GNPDA2: variants seen among roughly 807,000 people sequenced by gnomAD.
GNPDA2 encodes glcN6P deaminase 2.
A neutral mutation model predicts 27.0 loss-of-function variants in GNPDA2; 24 were observed. That is an observed-to-expected ratio of 0.89 (90% CI 0.64 to 1.25). The LOEUF (loss-of-function observed/expected upper bound fraction) is 1.25, where lower values mean the gene tolerates loss of function less well. Among genes scored for constraint, GNPDA2 ranks in the 50% most tolerant of loss-of-function variants. GNPDA2 has a pLI of 0.00. For synonymous variants in GNPDA2, 94 were observed against 108.4 expected (o/e 0.87, Z 0.83); for missense variants, 286 against 335.1 (o/e 0.85, Z 1.14).
chr4:44,723,193 C>A (rs772234809), intron 1 of GNPDA2, among the ~76,000 whole-genome samples: 3 of 152,066 alleles, frequency 2.0e-5, no homozygotes, highest in Non-Finnish European at 4.4e-5. Flanking sequence ...ATGTGGAAAT[C>A]AGCATTCTTA....
intron 6 of GNPDA2, 123 bp from the exon 7 acceptor site, chr4:44,703,265 T>G: frequency 7.0e-7 from 1 of 1,419,450 alleles, no homozygotes; most frequent in South Asian, 1.6e-5. Flanking sequence ...CTTGATATAG[T>G]CAAGTTTATT....
In GNPDA2 at chr4:44,701,938, G is replaced by T. The variant is rs375305504; in HGVS notation, c.*1143C>A. 10 of 984,538 alleles carry T rather than the reference G, an allele frequency of 1.0e-5. No individual in the cohort carries two copies. In the South Asian group the frequency reaches 1.4e-4, roughly 14 times the overall value. The allele number at this position is 984,538 out of a possible 1,614,324, so 61.0% of individuals were successfully genotyped here. On this transcript the variant is annotated 3_prime_UTR_variant, in exon 7 of 7. Transcript: ENST00000295448. ...TACATTTTAATCACATAGACAAGCA[G>T]ATAAGTAAGGCTTCTTCTACCAGGT... is the stretch of plus-strand genomic sequence containing the variant.
At position 44,702,362 on chromosome 4, in the gene GNPDA2, TAGGTATA is replaced by T. The variant is rs1376868904; in HGVS notation, c.*712_*718del. ...AAAAGAATTTCCTGAAGTGGCTTGC[TAGGTATA>T]AAGCTCATAATTGTCAAGATACTTA... On this transcript the variant is annotated 3_prime_UTR_variant, in exon 7 of 7. Transcript: ENST00000295448. The T allele has an allele frequency of 2.2e-6, 2 of 914,456 alleles. No homozygotes were observed. The highest frequency in any genetic ancestry group is 2.4e-4 in the East Asian group (2 of 8,450). 56.6% of individuals were successfully genotyped at this position (914,456 alleles called of 1,614,324 possible).
intron 6 of GNPDA2, 92 bp from the exon 7 acceptor site, chr4:44,703,234 G>GTAA: frequency 6.7e-7 from 1 of 1,496,080 alleles, no homozygotes; most frequent in South Asian, 1.3e-5. Context: ...ATAAGACACA[G>GTAA]TAAGCCTGTT....
intron 6 of GNPDA2, chr4:44,703,516 C>G: frequency 1.0e-6 from 1 of 1,000,530 alleles, no homozygotes; most frequent in Non-Finnish European, 1.2e-6. Context: ...AGTTCCTCTA[C>G]TAGACTCCAG....
intron 6 of GNPDA2, chr4:44,704,820 TG>T (rs1262753380): frequency 2.2e-5 from 22 of 982,848 alleles, no homozygotes; most frequent in Non-Finnish European, 2.7e-5. Context: ...ATTCTACCTT[TG>T]TCAAACTACT....
chr4:44,702,940 A>C lies in GNPDA2; in HGVS notation c.*141T>G. 2.0e-6 allele frequency: 3 copies of C among 1,481,804 alleles called. No individual in the cohort carries two copies. The highest frequency in any genetic ancestry group is 2.7e-6 in the Non-Finnish European group (3 of 1,126,026). 91.8% of individuals were successfully genotyped at this position (1,481,804 alleles called of 1,614,324 possible). ...AAGATATAAATATTCAAAATATGGA[A>C]TGTTTAACATAGAGACTCGAATGAA... On this transcript the variant is annotated 3_prime_UTR_variant, in exon 7 of 7. Coordinates refer to ENST00000295448, the MANE Select transcript of GNPDA2 (RefSeq NM_138335.3).
At chr4:44,703,764 A>G (rs1046311563) in intron 6 of GNPDA2, 1 of 985,130 alleles carries the variant, frequency 1.0e-6, no homozygotes, top group Non-Finnish European at 1.2e-6. Flanking sequence ...ATTGGTACAT[A>G]TACTTGCAGA....
At chr4:44,719,589 C>G (rs144614273) in intron 2 of GNPDA2, among the ~76,000 whole-genome samples, 123 of 151,984 alleles carry the variant, frequency 8.1e-4, no homozygotes, top group African/African-American at 2.7e-3. Flanking sequence ...TAACATGAAA[C>G]CTGTCTAAAA....
chr4:44,717,946 G>T (rs1717413539), intron 3 of GNPDA2, among the ~76,000 whole-genome samples: 1 of 151,788 alleles, frequency 6.6e-6, no homozygotes, highest in South Asian at 2.1e-4. Context: ...ACTTTTACAT[G>T]TACGTTAGTT....
intron 4 of GNPDA2, chr4:44,714,286 T>C (rs1437340593): frequency 2.0e-6 from 2 of 984,922 alleles, no homozygotes; most frequent in African/African-American, 3.5e-5. Context: ...CTAGATTTTA[T>C]TTTTAAAAAT....
intron 2 of GNPDA2, among the ~76,000 whole-genome samples, chr4:44,720,395 G>A (rs894995885): frequency 6.6e-6 from 1 of 151,692 alleles, no homozygotes; most frequent in African/African-American, 2.4e-5. Context: ...AGGAATATGA[G>A]TGAAAGCAAA....
At chr4:44,725,015 C>T (rs374008756) in intron 1 of GNPDA2, among the ~76,000 whole-genome samples, 11 of 152,118 alleles carry the variant, frequency 7.2e-5, no homozygotes, top group African/African-American at 2.7e-4. Context: ...ATATGGCCAG[C>T]TGATTGTTAA....
intron 2 of GNPDA2, among the ~76,000 whole-genome samples, chr4:44,719,163 G>C (rs1311586607): frequency 6.6e-6 from 1 of 151,746 alleles, no homozygotes; most frequent in Non-Finnish European, 1.5e-5. Context: ...TTCTAAATTT[G>C]TTACTTTTTT....
intron 2 of GNPDA2, among the ~76,000 whole-genome samples, chr4:44,719,464 C>G (rs1050221296): frequency 1.3e-5 from 2 of 152,006 alleles, no homozygotes; most frequent in African/African-American, 4.8e-5. Context: ...AAATACCACA[C>G]AGCAGAAGAA....
intron 2 of GNPDA2, among the ~76,000 whole-genome samples, chr4:44,721,174 G>GA (rs1717642533): frequency 6.6e-6 from 1 of 152,092 alleles, no homozygotes; most frequent in African/African-American, 2.4e-5. Flanking sequence ...ACTCAAGTGG[G>GA]AAAAAATTAC....
chr4:44,702,423 A>G lies in GNPDA2; in HGVS notation c.*658T>C, dbSNP rs748444674. 5.2e-5 allele frequency: 51 copies of G among 976,642 alleles called. No individual in the cohort carries two copies. Among genetic ancestry groups the G allele is most frequent in the Non-Finnish European group, 6.1e-5 (50 of 821,794 alleles). The allele number at this position is 976,642 out of a possible 1,614,324, so 60.5% of individuals were successfully genotyped here. On this transcript the variant is annotated 3_prime_UTR_variant, in exon 7 of 7. Transcript: ENST00000295448. Reference sequence around the variant, plus strand: ...TAGGGACATGAACCCAAGTCGTTAAATAAAAATAAGATATTTGTAAAAAAG... The same window carrying G: ...TAGGGACATGAACCCAAGTCGTTAAGTAAAAATAAGATATTTGTAAAAAAG...
In GNPDA2 at chr4:44,710,211, G is replaced by T. The variant is rs560044637; in HGVS notation, c.594+742C>A. Among the ~76,000 whole-genome samples the T allele has an allele frequency of 5.9e-5, 9 of 152,076 alleles. 1 individual carries two copies. The East Asian group carries it at 7.7e-4, about 13-fold the overall frequency. On this transcript the variant is annotated intron_variant, in intron 5 of 6. Transcript: ENST00000295448. ...TATATTTTGATTGACAGTTCTATTAGTATGTTCAAGTTTAAATATAATTAT... is the reference window on the plus strand; with the variant it reads ...TATATTTTGATTGACAGTTCTATTATTATGTTCAAGTTTAAATATAATTAT...
At chr4:44,706,914 T>C (rs1295024642) in intron 6 of GNPDA2, 6 of 152,092 alleles carry the variant, frequency 3.9e-5, no homozygotes, top group Non-Finnish European at 8.8e-5. Context: ...ACATACTACA[T>C]AGTGAATCAC....
Sources: gnomAD v4.1 joint callset for allele counts (sites outside exome capture counted in the v4.1 genomes callset) on GRCh38, gnomAD v4.1.1 for gene constraint, MANE v1.5 for transcripts, NCBI Gene and HGNC (gene_info 2026-07-23, HGNC 2026-07-21) for gene names.